Variants in TTLL5 observed in about 807,000 individuals in gnomAD.
TTLL5 encodes tubulin polyglutamylase TTLL5.
Under a neutral mutation model 168.4 loss-of-function variants are expected in TTLL5, and 132 were observed. The observed-to-expected ratio is 0.78, with a 90% CI of 0.68 to 0.91. The LOEUF is 0.91. Ranked by LOEUF, TTLL5 falls within the 40% of genes least tolerant of loss-of-function variation. The pLI, the probability that TTLL5 is intolerant of heterozygous loss-of-function variation, is 0.00. For synonymous variants in TTLL5, 546 were observed against 558.6 expected, an observed-to-expected ratio of 0.98 and a Z score of 0.32; for missense variants, 1,545 against 1,581.5, an observed-to-expected ratio of 0.98 and a Z score of 0.39.
intron 12 of TTLL5, among the ~76,000 whole-genome samples, chr14:75,721,825 G>T (rs1046284652): frequency 6.6e-6 from 1 of 152,114 alleles, no homozygotes; most frequent in Non-Finnish European, 1.5e-5. Flanking sequence ...ACAGATTATC[G>T]TTAACAGGCT....
At chr14:75,748,949 T>C (rs1889781238) in intron 17 of TTLL5, among the ~76,000 whole-genome samples, 1 of 152,198 alleles carries the variant, frequency 6.6e-6, no homozygotes, top group Admixed American at 6.5e-5. Context: ...GTTCTAAGTA[T>C]AGAGGTAGAA....
Position 75,681,598 on chromosome 14 carries a change from A to G in TTLL5, c.235A>G (p.Ser79Gly). The stretch of plus-strand genomic sequence containing the variant: ...ACGAACGGACAGTCGCCTAGTACGC[A>G]GCATTCTGACAGCCCATGGATTTCA... The part of the protein sequence containing the change: ...IVRTDSRLVR[S>G]ILTAHGFHEV... Residue 79 changes from serine (S) to glycine (G), a missense_variant, in exon 4 of 32, where the codon AGC becomes GGC. Ser to Gly is a moderately conservative substitution (Grantham distance 56). Coordinates refer to ENST00000298832, the MANE Select transcript of TTLL5 (RefSeq NM_015072.5). 1.2e-6 allele frequency: 2 copies of G among 1,613,586 alleles called. No homozygotes were observed. The highest frequency in any genetic ancestry group is 1.7e-6 in the Non-Finnish European group (2 of 1,179,944).
In TTLL5 at chr14:75,682,206, A is replaced by G. The variant is rs978271053; in HGVS notation, c.264+579A>G. Among the ~76,000 whole-genome samples, 4 of 150,978 alleles carry G rather than the reference A, an allele frequency of 2.6e-5. No individual in the cohort carries two copies. In the Admixed American group the frequency reaches 2.7e-4, roughly 10 times the overall value. ...CTCCGTCTCAAAAAAAAAAAAAAAAACAAACCCAAAAGGGATTTGTCAGAA... is the reference window on the plus strand; with the variant it reads ...CTCCGTCTCAAAAAAAAAAAAAAAAGCAAACCCAAAAGGGATTTGTCAGAA... On this transcript the variant is annotated intron_variant, in intron 4 of 31. Coordinates refer to ENST00000298832, the MANE Select transcript of TTLL5 (RefSeq NM_015072.5).
intron 2 of TTLL5, among the ~76,000 whole-genome samples, chr14:75,668,520 T>G (rs1045340470): frequency 6.6e-6 from 1 of 152,142 alleles, no homozygotes; most frequent in Non-Finnish European, 1.5e-5. Context: ...AGGGTGAAGG[T>G]TTTTCTGATC....
chr14:75,951,996 C>T (rs1244476595), intron 31 of TTLL5, among the ~76,000 whole-genome samples: 1 of 152,096 alleles, frequency 6.6e-6, no homozygotes, highest in African/African-American at 2.4e-5. Flanking sequence ...GGAAGTAAAA[C>T]AACAATCCAT....
chr14:75,916,585 C>G (rs1393988251), intron 31 of TTLL5, among the ~76,000 whole-genome samples: 1 of 151,962 alleles, frequency 6.6e-6, no homozygotes, highest in Non-Finnish European at 1.5e-5. Flanking sequence ...TGCCATGATC[C>G]ATGATCACAC....
chr14:75,690,921 G>A (rs1885411595), intron 6 of TTLL5, among the ~76,000 whole-genome samples: 1 of 152,190 alleles, frequency 6.6e-6, no homozygotes, highest in Non-Finnish European at 1.5e-5. Context: ...CACCCGGCCT[G>A]TAAGGATACT....
At position 75,940,887 on chromosome 14, in the gene TTLL5, A is replaced by AT. The variant is rs546761218; in HGVS notation, c.3824-13532dup. Among the ~76,000 whole-genome samples the AT allele has an allele frequency of 5.3e-4, 81 of 152,280 alleles. 1 individual carries two copies. The highest frequency in any genetic ancestry group is 1.9e-3 in the African/African-American group (77 of 41,546). Reference sequence around the variant, plus strand: ...ATATCTTCAGAAATGAGTTATGTGCATTTTTCTTAGAAGAATTAGGCTTGT... The same window carrying AT: ...ATATCTTCAGAAATGAGTTATGTGCATTTTTTCTTAGAAGAATTAGGCTTGT... On this transcript the variant is annotated intron_variant, in intron 31 of 31. Transcript: ENST00000298832.
intron 31 of TTLL5, among the ~76,000 whole-genome samples, chr14:75,913,012 T>C (rs1348991450): frequency 6.6e-6 from 1 of 152,216 alleles, no homozygotes; most frequent in African/African-American, 2.4e-5. Flanking sequence ...TCTTAGGCAA[T>C]CCTAAATATA....
chr14:75,834,230 T>C (rs1442771268), intron 28 of TTLL5, among the ~76,000 whole-genome samples: 1 of 152,038 alleles, frequency 6.6e-6, no homozygotes, highest in Non-Finnish European at 1.5e-5. Context: ...TGGCGGAGAT[T>C]TGTGCAAAGG....
intron 27 of TTLL5, among the ~76,000 whole-genome samples, chr14:75,796,452 T>G (rs569559939): frequency 9.1e-4 from 138 of 152,226 alleles, no homozygotes; most frequent in Non-Finnish European, 1.5e-3. Flanking sequence ...TTTATCTTTG[T>G]TTTTGTTGCA....
At chr14:75,766,877 G>C (rs747140710) in intron 20 of TTLL5, among the ~76,000 whole-genome samples, 23 of 152,066 alleles carry the variant, frequency 1.5e-4, no homozygotes, top group Non-Finnish European at 2.6e-4. Flanking sequence ...TAAAGACGTA[G>C]AGGTGGCCAA....
In TTLL5 at chr14:75,921,875, A is replaced by G. The variant is rs2033837523; in HGVS notation, c.3823+19651A>G. ...TATCCATGAGCATGGAATGTTCTTC[A>G]TTTGTTTGAGTCCTCTTTTATTTTG... On this transcript the variant is annotated intron_variant, in intron 31 of 31. Transcript: ENST00000298832. 2.0e-5 allele frequency among the ~76,000 whole-genome samples: 3 copies of G among 152,268 alleles called. No homozygotes were observed. The South Asian group carries it at 6.2e-4, about 32-fold the overall frequency.
intron 9 of TTLL5, among the ~76,000 whole-genome samples, chr14:75,713,551 G>A (rs1190277228): frequency 6.6e-6 from 1 of 152,148 alleles, no homozygotes; most frequent in East Asian, 1.9e-4. Flanking sequence ...AGTAAATAGT[G>A]CTCTTTTAGG....
chr14:75,671,225 G>C (rs1468243088), intron 3 of TTLL5, among the ~76,000 whole-genome samples: 1 of 152,148 alleles, frequency 6.6e-6, no homozygotes. Flanking sequence ...AGGTGTATGG[G>C]TTTACTTATG....
At chr14:75,936,342 G>A (rs1177495586) in intron 31 of TTLL5, among the ~76,000 whole-genome samples, 3 of 152,114 alleles carry the variant, frequency 2.0e-5, no homozygotes, top group Non-Finnish European at 2.9e-5. Context: ...GGGGTGCATC[G>A]GATCAGTTCT....
At chr14:75,907,778 G>A (rs959013823) in intron 31 of TTLL5, among the ~76,000 whole-genome samples, 19 of 152,174 alleles carry the variant, frequency 1.2e-4, no homozygotes, top group Non-Finnish European at 2.6e-4. Context: ...CTGATACTAA[G>A]CAGCCTGTCC....
rs572426736 is a variant in TTLL5 at position 75,702,900 on chromosome 14, C to T, written c.585+3630C>T. 8.5e-5 allele frequency among the ~76,000 whole-genome samples: 13 copies of T among 152,266 alleles called. No individual in the cohort carries two copies. In the Middle Eastern group the frequency reaches 0.024, roughly 279 times the overall value. ...AGGCATGAGGGGAGCTGGCAACATG[C>T]GGACATAATGGGAAAATACTCCTGT... On this transcript the variant is annotated intron_variant, in intron 7 of 31. Transcript: ENST00000298832.
At chr14:75,931,137 T>G (rs1380843658) in intron 31 of TTLL5, among the ~76,000 whole-genome samples, 3 of 152,194 alleles carry the variant, frequency 2.0e-5, no homozygotes, top group Non-Finnish European at 4.4e-5. Flanking sequence ...CCAGCACAAT[T>G]CTGGGGCACC....
Sources: allele counts gnomAD v4.1 joint callset (sites outside exome capture counted in the v4.1 genomes callset), GRCh38; gene constraint gnomAD v4.1.1; transcripts MANE v1.5; gene names NCBI Gene and HGNC (gene_info 2026-07-23, HGNC 2026-07-21).